The following ANXA11 variants were observed in gnomAD, a reference collection of about 807,000 sequenced individuals.
ANXA11 encodes the protein 56 kDa autoantigen.
Under a neutral mutation model 64.7 loss-of-function variants are expected in ANXA11, and 57 were observed. The observed-to-expected ratio is 0.88, with a 90% CI of 0.71 to 1.10. The LOEUF (loss-of-function observed/expected upper bound fraction) is 1.10. ANXA11 is among the 50% of genes least tolerant of loss of function. The pLI is 0.00. For missense variants in ANXA11, 675 were observed against 670.7 expected (o/e 1.01, Z -0.07); for synonymous variants, 260 against 265.2 (o/e 0.98, Z 0.19).
rs1845247049 is a variant in ANXA11 at position 80,155,719 on chromosome 10, G to A, written c.*134C>T. ...GCACACTATACGGGTCAGGAGGGGT[G>A]GAAGACAGGCCTAAGCTCTAGGACG... is the stretch of plus-strand genomic sequence containing the variant. On this transcript the variant is annotated 3_prime_UTR_variant, in exon 16 of 16. Coordinates refer to ENST00000422982, the MANE Select transcript of ANXA11 (RefSeq NM_145868.2). 4 of 904,180 alleles carry A rather than the reference G, an allele frequency of 4.4e-6. No homozygotes were observed. The highest frequency in any genetic ancestry group is 3.6e-5 in the Admixed American group (2 of 55,758). 56.0% of individuals were successfully genotyped at this position (904,180 alleles called of 1,614,324 possible). A position where few individuals can be genotyped will look rare whatever the true frequency, so the allele number is the denominator to read the frequency against.
intron 1 of ANXA11, among the ~76,000 whole-genome samples, chr10:80,192,732 T>A (rs1846828619): frequency 6.6e-6 from 1 of 152,194 alleles, no homozygotes; most frequent in African/African-American, 2.4e-5. Flanking sequence ...GAATAATGTG[T>A]TCAGTGTTCA....
chr10:80,156,619 T>C (rs1375427138), intron 15 of ANXA11: 5 of 354,998 alleles, frequency 1.4e-5, no homozygotes, highest in South Asian at 8.5e-5. Flanking sequence ...GTTCAAGCAA[T>C]TCTCCTGCCG....
At chr10:80,195,146 C>T (rs538667043) in intron 1 of ANXA11, among the ~76,000 whole-genome samples, 4 of 152,200 alleles carry the variant, frequency 2.6e-5, no homozygotes, top group Non-Finnish European at 5.9e-5. Flanking sequence ...GGGGCCTGTT[C>T]AAACCACTCT....
chr10:80,180,233 C>T (rs1471212903), intron 1 of ANXA11, among the ~76,000 whole-genome samples: 2 of 152,222 alleles, frequency 1.3e-5, no homozygotes, highest in African/African-American at 4.8e-5. Context: ...CATCCCCCTA[C>T]CAAAAGGGAA....
chr10:80,169,340 T>C lies in ANXA11; in HGVS notation c.190A>G (p.Thr64Ala), dbSNP rs775879177. The C allele has an allele frequency of 6.2e-6, 10 of 1,607,758 alleles. No homozygotes were observed. The South Asian group carries it at 8.8e-5, about 14-fold the overall frequency. ...TTGGGCATGTTGGCTCCTCCAAATGTCCCAGACATGTTGGCCGCCTGCAAG... is the reference window on the plus strand; with the variant it reads ...TTGGGCATGTTGGCTCCTCCAAATGCCCCAGACATGTTGGCCGCCTGCAAG... ...LSGMAANMSGTFGGANMPNLY... is the reference protein window; with the variant it reads ...LSGMAANMSGAFGGANMPNLY... The change falls in exon 5 of 16, where the codon ACA becomes GCA. Residue 64 changes from threonine (T) to alanine (A), a missense_variant. Physicochemically the swap from Thr to Ala is moderately conservative, Grantham distance 58. Coordinates refer to ENST00000422982, the MANE Select transcript of ANXA11 (RefSeq NM_145868.2).
At chr10:80,204,482 G>C (rs755428801) in intron 1 of ANXA11, among the ~76,000 whole-genome samples, 1 of 152,254 alleles carries the variant, frequency 6.6e-6, no homozygotes, top group Admixed American at 6.5e-5. Flanking sequence ...GCCCAGCGCA[G>C]AGAACAGAGG....
intron 1 of ANXA11, among the ~76,000 whole-genome samples, chr10:80,198,736 AGT>A (rs1830539673): frequency 6.7e-6 from 1 of 148,594 alleles, no homozygotes; most frequent in African/African-American, 2.6e-5. Flanking sequence ...TTCAAGAAAG[AGT>A]GAGAGAGTGA....
At chr10:80,156,986 G>A (rs1208311617) in intron 15 of ANXA11, 4 of 985,310 alleles carry the variant, frequency 4.1e-6, no homozygotes, top group African/African-American at 1.7e-5. Flanking sequence ...CCACACAGCT[G>A]AGAATGTATT....
chr10:80,163,355 A>G lies in ANXA11; in HGVS notation c.1080T>C (p.Asp360=). The G allele has an allele frequency of 1.2e-6, 2 of 1,613,322 alleles. No individual in the cohort carries two copies. The highest frequency in any genetic ancestry group is 1.7e-6 in the Non-Finnish European group (2 of 1,180,028). The change falls in exon 11 of 16, where the codon GAT becomes GAC. Residue 360 remains aspartate (D), a synonymous_variant. Transcript: ENST00000422982. The part of the protein sequence containing the change: ...TNVDMSLAQR[D]AQELYAAGEN... ...GCTTGGCCATCACACTCACCTGGGC[A>G]TCTCTCTGGGCGAGTGACATGTCCA...
chr10:80,151,544 G>C lies in ANXA11; in HGVS notation c.*4309C>G, dbSNP rs1417602097. ...CCAGGGCAGGAAAGAGCCTACAGCAGAAATAAGGAGCCAGGTCCTAAGGTA... is the reference window on the plus strand; with the variant it reads ...CCAGGGCAGGAAAGAGCCTACAGCACAAATAAGGAGCCAGGTCCTAAGGTA... On this transcript the variant is annotated 3_prime_UTR_variant, in exon 16 of 16. Coordinates refer to ENST00000422982, the MANE Select transcript of ANXA11 (RefSeq NM_145868.2). The C allele has an allele frequency of 3.9e-5, 6 of 152,172 alleles. No homozygotes were observed. The highest frequency in any genetic ancestry group is 6.6e-5 in the Admixed American group (1 of 15,266). 9.4% of individuals were successfully genotyped at this position (152,172 alleles called of 1,614,324 possible).
rs1310332184 is a variant in ANXA11, at chr10:80,169,272, G to T, written c.258C>A (p.Pro86=). The T allele has an allele frequency of 6.2e-7, 1 of 1,611,820 alleles. No individual in the cohort carries two copies. The highest frequency in any genetic ancestry group is 2.2e-5 in the East Asian group (1 of 44,868). The change falls in exon 5 of 16, where the codon CCC becomes CCA. Residue 86 remains proline (P), a synonymous_variant. Coordinates refer to ENST00000422982, the MANE Select transcript of ANXA11 (RefSeq NM_145868.2). The part of the protein sequence containing the change: ...GAPGAGYPPV[P]PGGFGQPPSA... ...AGGGGGGCTGCCCAAAGCCGCCAGGGGGCACTGGTGGGTAGCCAGCCCCAG... is the reference window on the plus strand; with the variant it reads ...AGGGGGGCTGCCCAAAGCCGCCAGGTGGCACTGGTGGGTAGCCAGCCCCAG...
chr10:80,174,163 T>C (rs1589433439), intron 2 of ANXA11, among the ~76,000 whole-genome samples: 1 of 151,866 alleles, frequency 6.6e-6, no homozygotes, highest in Admixed American at 6.6e-5. Flanking sequence ...CAGGTAATCC[T>C]CCCGCCTCAG....
intron 15 of ANXA11, chr10:80,157,145 G>A (rs894335749): frequency 3.1e-6 from 3 of 970,238 alleles, no homozygotes; most frequent in African/African-American, 3.5e-5. Flanking sequence ...GGGGTTCAGG[G>A]AGATTTAAGG....
At chr10:80,161,290 C>A (rs981225194) in intron 12 of ANXA11, among the ~76,000 whole-genome samples, 1 of 152,234 alleles carries the variant, frequency 6.6e-6, no homozygotes, top group African/African-American at 2.4e-5. Context: ...TCTGCCCCTG[C>A]ATCTCCCTTT....
chr10:80,154,205 G>A lies in ANXA11; in HGVS notation c.*1648C>T, dbSNP rs1845208614. On this transcript the variant is annotated 3_prime_UTR_variant, in exon 16 of 16. Coordinates refer to ENST00000422982, the MANE Select transcript of ANXA11 (RefSeq NM_145868.2). ...CAACCTCTGCCTCCTGGGTTCAAGT[G>A]ATTCTCCTGCCTCAGCATCCTGTGT... is the stretch of plus-strand genomic sequence containing the variant. 6.6e-6 allele frequency: 1 copy of A among 151,840 alleles called. No homozygotes were observed. The highest frequency in any genetic ancestry group is 6.6e-5 in the Admixed American group (1 of 15,234). The allele number at this position is 151,840 out of a possible 1,614,324, so 9.4% of individuals were successfully genotyped here.
At chr10:80,171,847 C>G in intron 3 of ANXA11, 1 of 985,530 alleles carries the variant, frequency 1.0e-6, no homozygotes, top group East Asian at 1.1e-4. Flanking sequence ...AGGATTTCTA[C>G]TATAGAGAGA....
intron 1 of ANXA11, among the ~76,000 whole-genome samples, 168 bp from the exon 2 acceptor site, chr10:80,176,323 C>T (rs1007634172): frequency 7.2e-5 from 11 of 152,148 alleles, no homozygotes; most frequent in Admixed American, 3.9e-4. Context: ...ATGCAATGAC[C>T]ACCATTATTA....
Position 80,169,054 on chromosome 10 carries a change from G to A in ANXA11, c.476C>T (p.Pro159Leu), listed in dbSNP as rs1332796253. ...PVTYPGQPPV[P>L]LPGQQQPVPS... Reference sequence around the variant, plus strand: ...CACTGGCTGCTGCTGCCCAGGGAGTGGCACTGGAGGCTGACCAGGGTAGGT... The same window carrying A: ...CACTGGCTGCTGCTGCCCAGGGAGTAGCACTGGAGGCTGACCAGGGTAGGT... Residue 159 changes from proline (P) to leucine (L), a missense_variant, in exon 5 of 16, where the codon CCA becomes CTA. Physicochemically the swap from Pro to Leu is moderately conservative, Grantham distance 98 (BLOSUM62 -3). Coordinates refer to ENST00000422982, the MANE Select transcript of ANXA11 (RefSeq NM_145868.2). 6.5e-7 allele frequency: 1 copy of A among 1,540,058 alleles called. No individual in the cohort carries two copies. Among genetic ancestry groups the A allele is most frequent in the South Asian group, 1.3e-5 (1 of 77,248 alleles).
At chr10:80,163,449 T>A (rs2236558) in intron 10 of ANXA11, 44 bp from the exon 11 acceptor site, 1 of 1,612,980 alleles carries the variant, frequency 6.2e-7, no homozygotes, top group Non-Finnish European at 8.5e-7. Context: ...CCTTCCCCAT[T>A]TATTTTCCCT....
Sources: gnomAD v4.1 joint callset for allele counts (sites outside exome capture counted in the v4.1 genomes callset) on GRCh38, gnomAD v4.1.1 for gene constraint, MANE v1.5 for transcripts, NCBI Gene and HGNC (gene_info 2026-07-23, HGNC 2026-07-21) for gene names.